The following GNL3L variants were observed in gnomAD, a reference collection of about 807,000 sequenced individuals.
GNL3L encodes the protein G protein nucleolar 3 like, also known as guanine nucleotide-binding protein-like 3-like protein.
Under a neutral mutation model 42.9 loss-of-function variants are expected in GNL3L, and 4 were observed. The ratio of observed to expected loss-of-function variants is 0.09; its 90% CI spans 0.05 to 0.21. The LOEUF (loss-of-function observed/expected upper bound fraction) is 0.21. Among genes scored for constraint, GNL3L ranks in the 10% least tolerant of loss-of-function variants. The probability of loss-of-function intolerance (pLI) is 1.00; values close to 1 mark genes in which losing one functional copy is unlikely to be tolerated. For missense variants in GNL3L, 412 were observed against 481.7 expected, an observed-to-expected ratio of 0.86 and a Z score of 1.36; for synonymous variants, 159 against 176.3, an observed-to-expected ratio of 0.90 and a Z score of 0.78.
chrX:54,618,219 C>T (rs992029196), intron 16 of GNL3L, among the ~76,000 whole-genome samples: 23 of 110,783 alleles, frequency 2.1e-4, no homozygotes, highest in African/African-American at 7.6e-4. Context: ...TGATTATCTG[C>T]CCCGGCAGTC....
chrX:54,611,982 T>G (rs1926166502), intron 16 of GNL3L, among the ~76,000 whole-genome samples: 1 of 112,240 alleles, frequency 8.9e-6, no homozygotes, highest in South Asian at 3.7e-4. Flanking sequence ...CTTTGTTCAC[T>G]TTCTGTCTTG....
intron 16 of GNL3L, among the ~76,000 whole-genome samples, chrX:54,576,600 G>A (rs1279981723): frequency 1.8e-5 from 2 of 110,468 alleles, no homozygotes; most frequent in Middle Eastern, 4.6e-3. Flanking sequence ...CTGAGTAGAT[G>A]GGATTTCAGG....
Position 54,609,450 on chromosome X carries a change from G to A in GNL3L, c.*46-11395G>A, listed in dbSNP as rs372395491. ...AGCCAATGTCTAGAAGGGTTTTTCC[G>A]ATGTTATCTTCTAGAATTTTTATAG... On this transcript the variant is annotated intron_variant, in intron 16 of 16. Coordinates refer to the GNL3L transcript ENST00000674498. Among the ~76,000 whole-genome samples the A allele has an allele frequency of 4.5e-4, 51 of 112,180 alleles. No individual in the cohort carries two copies. The South Asian group carries it at 0.018, about 39-fold the overall frequency.
intron 16 of GNL3L, among the ~76,000 whole-genome samples, chrX:54,582,968 G>A (rs372932402): frequency 8.9e-6 from 1 of 111,828 alleles, no homozygotes; most frequent in Admixed American, 9.5e-5. Flanking sequence ...TCAATGAAAT[G>A]TCTGTTCATG....
intron 16 of GNL3L, among the ~76,000 whole-genome samples, chrX:54,609,035 A>T (rs750397912): frequency 9.0e-6 from 1 of 111,553 alleles, no homozygotes; most frequent in South Asian, 3.7e-4. Flanking sequence ...TGATATTTTG[A>T]TTATGGCCAT....
intron 16 of GNL3L, among the ~76,000 whole-genome samples, chrX:54,577,732 C>T (rs1925654983): frequency 9.0e-6 from 1 of 110,830 alleles, no homozygotes; most frequent in African/African-American, 3.3e-5. Flanking sequence ...TATGTTGTCA[C>T]AGATGGCAGA....
intron 8 of GNL3L, 130 bp downstream of exon 8, chrX:54,544,456 G>C: frequency 2.5e-6 from 1 of 400,975 alleles, no homozygotes; most frequent in Non-Finnish European, 4.4e-6. Context: ...TGAGCTTTTT[G>C]CTCCACCGAG....
chrX:54,610,594 C>T (rs1164467353), intron 16 of GNL3L, among the ~76,000 whole-genome samples: 1 of 111,581 alleles, frequency 9.0e-6, no homozygotes, highest in Non-Finnish European at 1.9e-5. Flanking sequence ...TTTTCTGCAT[C>T]TATTGAGGTG....
In GNL3L at chrX:54,614,869, T is replaced by A. The variant is rs187171839; in HGVS notation, c.*46-5976T>A. On this transcript the variant is annotated intron_variant, in intron 16 of 16. Coordinates refer to the GNL3L transcript ENST00000674498. Reference sequence around the variant, plus strand: ...TCTTGCAGTTGATCTGGAGCTGAAATTTACAACGTGAGCTTCCACCAACTG... The same window carrying A: ...TCTTGCAGTTGATCTGGAGCTGAAAATTACAACGTGAGCTTCCACCAACTG... Among the ~76,000 whole-genome samples, 75 of 111,261 alleles carry A rather than the reference T, an allele frequency of 6.7e-4. 1 individual carries two copies. In the South Asian group the frequency reaches 0.028, roughly 41 times the overall value.
intron 16 of GNL3L, among the ~76,000 whole-genome samples, chrX:54,611,841 C>T (rs1402226053): frequency 2.7e-5 from 3 of 111,838 alleles, no homozygotes; most frequent in Non-Finnish European, 5.6e-5. Context: ...TATGGCCTAT[C>T]GTATGGTCTA....
intron 9 of GNL3L, among the ~76,000 whole-genome samples, chrX:54,548,764 G>A (rs953526616): frequency 9.0e-6 from 1 of 111,272 alleles, no homozygotes; most frequent in Non-Finnish European, 1.9e-5. Flanking sequence ...AGTTTCTGAG[G>A]GAGGGATGAT....
At chrX:54,543,920 T>G in intron 7 of GNL3L, 3 of 228,279 alleles carry the variant, frequency 1.3e-5, no homozygotes, top group Non-Finnish European at 7.7e-6. Context: ...GGAAACACAA[T>G]ATTTGGGGGG....
intron 16 of GNL3L, among the ~76,000 whole-genome samples, chrX:54,594,107 T>C (rs977134718): frequency 5.4e-5 from 6 of 111,733 alleles, no homozygotes; most frequent in African/African-American, 1.9e-4. Context: ...TCCATAAATA[T>C]TTTTAGGTCC....
intron 12 of GNL3L, 35 bp downstream of exon 12, chrX:54,552,009 C>G: frequency 8.5e-7 from 1 of 1,182,214 alleles, no homozygotes; most frequent in East Asian, 3.0e-5. Context: ...GTGAGGCCCG[C>G]TGGCAGCCTG....
intron 4 of GNL3L, 125 bp from the exon 5 acceptor site, chrX:54,541,148 C>T (rs1216767853): frequency 2.1e-6 from 1 of 468,430 alleles, no homozygotes; most frequent in Non-Finnish European, 3.8e-6. Context: ...GTCATATCTT[C>T]CCTCTCCCTG....
chrX:54,541,014 G>A (rs1282423559), intron 4 of GNL3L, among the ~76,000 whole-genome samples: 2 of 111,517 alleles, frequency 1.8e-5, no homozygotes, highest in African/African-American at 6.5e-5. Context: ...TTCCATCTCT[G>A]GTCTTAAGTG....
chrX:54,624,571 G>A (rs1427749758), downstream of GNL3L, among the ~76,000 whole-genome samples: 1 of 107,895 alleles, frequency 9.3e-6, no homozygotes, highest in Non-Finnish European at 1.9e-5. Context: ...CCAAGTAGCT[G>A]GGATTACAGG....
chrX:54,575,771 G>A (rs1183303124), intron 16 of GNL3L, among the ~76,000 whole-genome samples: 7 of 111,051 alleles, frequency 6.3e-5, no homozygotes, highest in South Asian at 7.6e-4. Context: ...TTAGCCGGGC[G>A]TGGTGGCGCA....
intron 5 of GNL3L, 57 bp downstream of exon 5, chrX:54,541,446 T>A: frequency 1.4e-6 from 1 of 739,367 alleles, no homozygotes; most frequent in East Asian, 3.2e-5. Context: ...TTTGCCGTTT[T>A]TCTGTGAAAG....
Sources: allele counts gnomAD v4.1 joint callset (sites outside exome capture counted in the v4.1 genomes callset), GRCh38; gene constraint gnomAD v4.1.1; transcripts MANE v1.5; gene names NCBI Gene and HGNC (gene_info 2026-07-23, HGNC 2026-07-21).